The following DCHS2 variants were observed in gnomAD, a reference collection of about 807,000 sequenced individuals.
DCHS2 encodes the protein dachsous cadherin-related 2, also known as protocadherin-23.
Under a neutral mutation model 182.4 loss-of-function variants are expected in DCHS2, and 142 were observed. The ratio of observed to expected loss-of-function variants is 0.78; its 90% CI spans 0.68 to 0.89. DCHS2 has a LOEUF of 0.89. Ranked by LOEUF, DCHS2 falls within the 40% of genes least tolerant of loss-of-function variation. DCHS2 has a pLI of 0.00. For missense variants in DCHS2, 4,319 were observed against 4,198.6 expected, an observed-to-expected ratio of 1.03 and a Z score of -0.79; for synonymous variants, 1,740 against 1,663.3, an observed-to-expected ratio of 1.05 and a Z score of -1.12.
At chr4:154,370,439 T>G (rs1174412345) in intron 2 of DCHS2, among the ~76,000 whole-genome samples, 2 of 152,132 alleles carry the variant, frequency 1.3e-5, no homozygotes, top group African/African-American at 4.8e-5. Context: ...AAAAGGTACA[T>G]GACATCAAAA....
At chr4:154,453,624 T>C (rs1257795044) in intron 1 of DCHS2, among the ~76,000 whole-genome samples, 9 of 152,154 alleles carry the variant, frequency 5.9e-5, no homozygotes, top group Admixed American at 3.9e-4. Flanking sequence ...ACCAAGATTT[T>C]TTCAAAGCTC....
chr4:154,452,438 A>G (rs1273952786), intron 1 of DCHS2, among the ~76,000 whole-genome samples: 1 of 152,114 alleles, frequency 6.6e-6, no homozygotes. Flanking sequence ...AGCCTGGCCA[A>G]CATGGTGAAA....
chr4:154,442,908 C>A (rs1056673866), intron 1 of DCHS2, among the ~76,000 whole-genome samples: 1 of 152,070 alleles, frequency 6.6e-6, no homozygotes, highest in African/African-American at 2.4e-5. Flanking sequence ...ATGCAAAAAA[C>A]TCCTGTCTCC....
At chr4:154,301,496 A>C (rs981725507) in intron 12 of DCHS2, among the ~76,000 whole-genome samples, 3 of 151,812 alleles carry the variant, frequency 2.0e-5, no homozygotes, top group Non-Finnish European at 4.4e-5. Flanking sequence ...TTATTTATTT[A>C]TTTATTTATT....
At chr4:154,343,445 A>C (rs988545094) in intron 3 of DCHS2, 3 of 1,384,104 alleles carry the variant, frequency 2.2e-6, no homozygotes, top group Non-Finnish European at 1.9e-6. Context: ...CTACATTGAA[A>C]ATCTATTGTT....
At chr4:154,295,234 A>T (rs971508933) in intron 13 of DCHS2, among the ~76,000 whole-genome samples, 1 of 152,238 alleles carries the variant, frequency 6.6e-6, no homozygotes, top group African/African-American at 2.4e-5. Context: ...CTCTTCTGAG[A>T]ATAAGACGTT....
At chr4:154,472,321 T>C (rs1045818081) in intron 1 of DCHS2, among the ~76,000 whole-genome samples, 2 of 152,230 alleles carry the variant, frequency 1.3e-5, no homozygotes, top group African/African-American at 4.8e-5. Flanking sequence ...TTGTTTCTTT[T>C]TAAATCTCAT....
At chr4:154,361,222 C>T (rs1249442404) in intron 3 of DCHS2, among the ~76,000 whole-genome samples, 2 of 152,094 alleles carry the variant, frequency 1.3e-5, no homozygotes, top group Non-Finnish European at 2.9e-5. Context: ...AAGCTTGAAA[C>T]CTGCCTGTTG....
At position 154,237,097 on chromosome 4, in the gene DCHS2, C is replaced by T. The variant is rs758456767; in HGVS notation, c.7555G>A (p.Val2519Met). 3 of 1,613,588 alleles carry T rather than the reference C, an allele frequency of 1.9e-6. No individual in the cohort carries two copies. The highest frequency in any genetic ancestry group is 2.2e-5 in the South Asian group (2 of 91,056). The change falls in exon 20 of 20, where the codon GTG becomes ATG. Residue 2519 changes from valine to methionine, a missense_variant. Transcript: ENST00000357232. Reference sequence around the variant, plus strand: ...GGATTTCCACCATCACTGGCTTCCACAAGAAATTGAGTTGTTGATATTGTA... The same window carrying T: ...GGATTTCCACCATCACTGGCTTCCATAAGAAATTGAGTTGTTGATATTGTA... ...LDTISTTQFL[V>M]EASDGGNPDL...
chr4:154,472,605 TC>T, intron 1 of DCHS2, among the ~76,000 whole-genome samples: 1 of 152,226 alleles, frequency 6.6e-6, no homozygotes, highest in Non-Finnish European at 1.5e-5. Flanking sequence ...ACTCATTCTC[TC>T]ACCAAAACGT....
chr4:154,321,655 T>C (rs1736067310), intron 8 of DCHS2, among the ~76,000 whole-genome samples: 1 of 152,228 alleles, frequency 6.6e-6, no homozygotes. Context: ...ACTGGAGGTA[T>C]GACCATACAG....
chr4:154,355,878 A>T (rs2110738598), intron 3 of DCHS2: 1 of 152,302 alleles, frequency 6.6e-6, no homozygotes, highest in African/African-American at 2.4e-5. Context: ...ATGCTTATGT[A>T]CATAAGTACA....
At chr4:154,240,008 T>C (rs1731721541) in intron 18 of DCHS2, among the ~76,000 whole-genome samples, 3 of 152,200 alleles carry the variant, frequency 2.0e-5, no homozygotes, top group Admixed American at 1.3e-4. Context: ...TACACTTAAA[T>C]CTTGCATTTG....
rs1016447996 is a variant in DCHS2, at chr4:154,409,821, C to T, written c.2053-32377G>A. Among the ~76,000 whole-genome samples the T allele has an allele frequency of 5.3e-5, 8 of 152,298 alleles. No homozygotes were observed. In the South Asian group the frequency reaches 1.5e-3, roughly 28 times the overall value. The stretch of plus-strand genomic sequence containing the variant: ...AAGAAAAGGTCCCAAAAGCCCTCAC[C>T]TCTGAGGACCCTAACAACCTATGCT... On this transcript the variant is annotated intron_variant, in intron 1 of 19. Coordinates refer to ENST00000357232, the MANE Select transcript of DCHS2 (RefSeq NM_001358235.2).
In DCHS2 at chr4:154,232,484, G is replaced by GTAAT. The variant is rs1333470934; in HGVS notation, c.*2048_*2051dup. On this transcript the variant is annotated 3_prime_UTR_variant, in exon 20 of 20. Transcript: ENST00000357232. ...ATCCATAATGAGTAAATAAATCACA[G>GTAAT]TAATAAATAACTAACTTAGGGAATA... The GTAAT allele has an allele frequency of 1.1e-4, 16 of 152,058 alleles. No individual in the cohort carries two copies. Among genetic ancestry groups the GTAAT allele is most frequent in the Admixed American group, 6.6e-5 (1 of 15,230 alleles). 9.4% of individuals were successfully genotyped at this position (152,058 alleles called of 1,614,324 possible).
intron 1 of DCHS2, among the ~76,000 whole-genome samples, chr4:154,447,169 G>A (rs1395418420): frequency 6.6e-6 from 1 of 152,118 alleles, no homozygotes; most frequent in Admixed American, 6.5e-5. Flanking sequence ...GTGCACTCCT[G>A]TAATCCCAGC....
intron 1 of DCHS2, among the ~76,000 whole-genome samples, chr4:154,379,744 C>A (rs1731084332): frequency 6.6e-6 from 1 of 152,158 alleles, no homozygotes; most frequent in African/African-American, 2.4e-5. Context: ...GGAGCTACAA[C>A]TTAATTACAG....
intron 3 of DCHS2, among the ~76,000 whole-genome samples, chr4:154,351,359 AT>A (rs1296994572): frequency 6.6e-6 from 1 of 152,250 alleles, no homozygotes; most frequent in African/African-American, 2.4e-5. Context: ...AATACTTGCC[AT>A]TTTTATAATA....
chr4:154,447,149 G>A (rs983006832), intron 1 of DCHS2, among the ~76,000 whole-genome samples: 13 of 152,128 alleles, frequency 8.5e-5, no homozygotes, highest in East Asian at 3.9e-4. Context: ...AAAACTAGCC[G>A]GACATGGTGG....
Sources: allele counts gnomAD v4.1 joint callset (sites outside exome capture counted in the v4.1 genomes callset), GRCh38; gene constraint gnomAD v4.1.1; transcripts MANE v1.5; gene names NCBI Gene and HGNC (gene_info 2026-07-23, HGNC 2026-07-21).